The following POMT1 variants were observed in gnomAD, a reference collection of about 807,000 sequenced individuals.
POMT1 encodes the protein protein O-mannosyltransferase 1.
POMT1 carries 85 observed loss-of-function variants against 101.6 expected under a neutral mutation model. The ratio of observed to expected loss-of-function variants is 0.84; its 90% confidence interval spans 0.70 to 1.00. The LOEUF is 1.00. POMT1 is among the 50% of genes least tolerant of loss of function. The probability of loss-of-function intolerance (pLI) is 0.00; values close to 1 mark genes in which losing one functional copy is unlikely to be tolerated. For missense variants in POMT1, 857 were observed against 930.4 expected (o/e 0.92, Z 1.03); for synonymous variants, 371 against 383.0 (o/e 0.97, Z 0.37).
At position 131,515,541 on chromosome 9, in the gene POMT1, A is replaced by G. The variant is rs1474935774; in HGVS notation, c.1272+19A>G. The G allele has an allele frequency of 1.2e-6, 2 of 1,603,152 alleles. No individual in the cohort carries two copies. The highest frequency in any genetic ancestry group is 2.2e-5 in the East Asian group (1 of 44,844). On this transcript the variant is annotated intron_variant, in intron 13 of 19. Coordinates refer to ENST00000402686, the MANE Select transcript of POMT1 (RefSeq NM_001077365.2). ...GAGACTGGTGAGTAAGGCTGCGGCTATAGCAGCCACAACCGTCAGTAATGA... is the reference window on the plus strand; with the variant it reads ...GAGACTGGTGAGTAAGGCTGCGGCTGTAGCAGCCACAACCGTCAGTAATGA...
rs1023056635 is a variant in POMT1, at chr9:131,519,126, TAACTC to T, written c.1486+172_1486+176del. Reference sequence around the variant, plus strand: ...ACCCTGCACTCAGCTGCTGCAGTAATAACTCAAGACGCTTCTTCCGAGGTGTCGCT... The same window carrying T: ...ACCCTGCACTCAGCTGCTGCAGTAATAAGACGCTTCTTCCGAGGTGTCGCT... On this transcript the variant is annotated intron_variant, in intron 15 of 19. Coordinates refer to ENST00000402686, the MANE Select transcript of POMT1 (RefSeq NM_001077365.2). This position sits in a 1 kb window ranked among gnomAD's most constrained non-coding sequence, Gnocchi z 4.3. Among the ~76,000 whole-genome samples, 2 of 152,170 alleles carry T rather than the reference TAACTC, an allele frequency of 1.3e-5. No individual in the cohort carries two copies. The highest frequency in any genetic ancestry group is 4.8e-5 in the African/African-American group (2 of 41,438).
chr9:131,518,884 C>T lies in POMT1; in HGVS notation c.1413C>T (p.Ile471=), dbSNP rs769288290. ...ACTGGGGGTATCGGCAACTGGAGAT[C>T]GTCGGGGAGAAGCTGTCCCGGGGCT... ...LPDWGYRQLE[I]VGEKLSRGYH... The change falls in exon 15 of 20, where the codon ATC becomes ATT. Residue 471 remains isoleucine, a synonymous_variant. Coordinates refer to ENST00000402686, the MANE Select transcript of POMT1 (RefSeq NM_001077365.2). 1.4e-5 allele frequency: 22 copies of T among 1,613,852 alleles called. No individual in the cohort carries two copies. The highest frequency in any genetic ancestry group is 3.3e-5 in the South Asian group (3 of 91,092).
chr9:131,507,290 A>G (rs552349144), intron 4 of POMT1, 78 bp from the exon 5 acceptor site: 8 of 1,601,462 alleles, frequency 5.0e-6, no homozygotes, highest in South Asian at 3.3e-5. Flanking sequence ...TGACGGCGCT[A>G]TGTGAAAGCA....
chr9:131,508,816 C>T (rs1946433281), intron 5 of POMT1, 95 bp from the exon 6 acceptor site: 2 of 859,008 alleles, frequency 2.3e-6, no homozygotes, highest in African/African-American at 3.3e-5. Flanking sequence ...AGTTGTATCG[C>T]TTCTGAAGTA....
At position 131,520,204 on chromosome 9, in the gene POMT1, G is replaced by C. The variant is rs115243626; in HGVS notation, c.1698+11G>C. ...CACCCCAGGACCAGCGTAAGCGAGC[G>C]ATGCTGACAGCTGACAGTCATAGAT... On this transcript the variant is annotated intron_variant, in intron 17 of 19. Coordinates refer to ENST00000402686, the MANE Select transcript of POMT1 (RefSeq NM_001077365.2). 641 of 1,593,426 alleles carry C rather than the reference G, an allele frequency of 4.0e-4. 1 individual carries two copies. The African/African-American group carries it at 8.1e-3, about 20-fold the overall frequency.
intron 6 of POMT1, 77 bp downstream of exon 6, chr9:131,509,099 A>G (rs1349635615): frequency 1.9e-6 from 2 of 1,065,734 alleles, no homozygotes; most frequent in Non-Finnish European, 2.9e-6. Flanking sequence ...ATGGTCCAGT[A>G]CCTTTTTTTG....
Position 131,513,141 on chromosome 9 carries a change from G to A in POMT1, c.1083-98G>A, listed in dbSNP as rs2131704712. The A allele has an allele frequency of 3.0e-5, 31 of 1,028,056 alleles. No individual in the cohort carries two copies. In the South Asian group the frequency reaches 4.0e-4, roughly 13 times the overall value. The allele number at this position is 1,028,056 out of a possible 1,614,324, so 63.7% of individuals were successfully genotyped here. A position where few individuals can be genotyped will look rare whatever the true frequency, so the allele number is the denominator to read the frequency against. On this transcript the variant is annotated intron_variant, in intron 11 of 19. Coordinates refer to ENST00000402686, the MANE Select transcript of POMT1 (RefSeq NM_001077365.2). ...TGAGGCACACATGGGTTGGGAGGCAGTCTCAGCCATGAGAATTCAGAGCTG... is the reference window on the plus strand; with the variant it reads ...TGAGGCACACATGGGTTGGGAGGCAATCTCAGCCATGAGAATTCAGAGCTG...
At position 131,506,426 on chromosome 9, in the gene POMT1, A is replaced by G; in HGVS notation, c.253A>G (p.Asn85Asp). The G allele has an allele frequency of 6.2e-7, 1 of 1,613,212 alleles. No individual in the cohort carries two copies. The highest frequency in any genetic ancestry group is 8.5e-7 in the Non-Finnish European group (1 of 1,179,160). Residue 85 changes from asparagine (N) to aspartate (D), a missense_variant, in exon 4 of 20, where the codon AAT becomes GAT. Transcript: ENST00000402686. ...LGGYLGGFDGNFLWNRIGAEY... is the reference protein window; with the variant it reads ...LGGYLGGFDGDFLWNRIGAEY... ...AGGTTATTTAGGAGGATTCGATGGC[A>G]ATTTTTTGTGGAACAGAATTGGAGC...
At chr9:131,510,942 G>A (rs1028240307) in intron 9 of POMT1, 7 of 280,518 alleles carry the variant, frequency 2.5e-5, no homozygotes, top group Admixed American at 5.0e-5. Context: ...GGTCAGGACT[G>A]TGGTTCCTGA....
chr9:131,523,791 C>CCAA lies in POMT1; in HGVS notation c.*687_*689dup, dbSNP rs1950411693. 1 of 153,052 alleles carries CCAA rather than the reference C, an allele frequency of 6.5e-6. No homozygotes were observed. The highest frequency in any genetic ancestry group is 2.4e-5 in the African/African-American group (1 of 41,464). 9.5% of individuals were successfully genotyped at this position (153,052 alleles called of 1,614,324 possible). On this transcript the variant is annotated 3_prime_UTR_variant, in exon 20 of 20. Coordinates refer to ENST00000402686, the MANE Select transcript of POMT1 (RefSeq NM_001077365.2). ...TTTTTAAATGTAATTAAAAAAGGAACCAACTGGCGTTTGTAGTTGGTGTTT... is the reference window on the plus strand; with the variant it reads ...TTTTTAAATGTAATTAAAAAAGGAACCAACAACTGGCGTTTGTAGTTGGTGTTT...
In POMT1 at chr9:131,510,281, C is replaced by G. The variant is rs374335795; in HGVS notation, c.721C>G (p.Leu241Val). 5.0e-6 allele frequency: 8 copies of G among 1,614,120 alleles called. No homozygotes were observed. In the Admixed American group the frequency reaches 5.0e-5, roughly 10 times the overall value. Residue 241 changes from leucine to valine, a missense_variant, in exon 9 of 20, where the codon CTC becomes GTC. Physicochemically the swap from Leu to Val is conservative, Grantham distance 32. Coordinates refer to ENST00000402686, the MANE Select transcript of POMT1 (RefSeq NM_001077365.2). ...GCAGGTCTGTGTGTTCTGTCACTTG[C>G]TCGCCCGAGCAGTGGCTTTGCTGGT... is the stretch of plus-strand genomic sequence containing the variant. ...LSNVCVFCHL[L>V]ARAVALLVIP...
In POMT1 at chr9:131,522,858, G is replaced by T; in HGVS notation, c.2004-74G>T. ...TCGGGGGGTGACCGTGTGGACAGCA[G>T]ATGCCAAGAGGGTGCCGGGCAGGGA... On this transcript the variant is annotated intron_variant, in intron 19 of 19. Transcript: ENST00000402686. This position sits in a 1 kb window ranked among gnomAD's most constrained non-coding sequence, Gnocchi z 5.5. 1 of 1,447,002 alleles carries T rather than the reference G, an allele frequency of 6.9e-7. No homozygotes were observed. The allele number at this position is 1,447,002 out of a possible 1,614,324, so 89.6% of individuals were successfully genotyped here.
At chr9:131,516,040 C>CACACGGAGCACTTCCTCTA (rs1554778737) in intron 13 of POMT1, among the ~76,000 whole-genome samples, 1,689 of 10,514 alleles carry the variant, frequency 0.16, 304 homozygotes, top group African/African-American at 0.26. Flanking sequence ...AGCACTTCCT[C>CACACGGAGCACTTCCTCTA]ACACGGAGCA....
intron 5 of POMT1, among the ~76,000 whole-genome samples, chr9:131,507,933 A>G (rs1017467410): frequency 1.3e-5 from 2 of 152,242 alleles, no homozygotes; most frequent in Non-Finnish European, 2.9e-5. Flanking sequence ...AAATTAAAGC[A>G]GATGAAAAGT....
Position 131,512,082 on chromosome 9 carries a change from C to T in POMT1, c.1028C>T (p.Thr343Ile), listed in dbSNP as rs1358169780. ...GGCAGCTCCCACCAGCAACAGGTGA[C>T]CTGTTACCCCTTCAAAGATGTCAAT... ...GRGSSHQQQV[T>I]CYPFKDVNNW... The change falls in exon 11 of 20, where the codon ACC becomes ATC. Residue 343 changes from threonine (T) to isoleucine (I), a missense_variant. Transcript: ENST00000402686. 2 of 1,614,006 alleles carry T rather than the reference C, an allele frequency of 1.2e-6. No individual in the cohort carries two copies. The highest frequency in any genetic ancestry group is 1.7e-6 in the Non-Finnish European group (2 of 1,180,030).
chr9:131,517,162 G>A lies in POMT1; in HGVS notation c.1273-1283G>A, dbSNP rs1217500638. On this transcript the variant is annotated intron_variant, in intron 13 of 19. Coordinates refer to ENST00000402686, the MANE Select transcript of POMT1 (RefSeq NM_001077365.2). ...TTTCTGCCTACGCAGGCTCAGCCCT[G>A]TTTCGCTTGACAGAGTTAGCACCAC... Among the ~76,000 whole-genome samples the A allele has an allele frequency of 2.0e-5, 3 of 151,866 alleles. No homozygotes were observed. The East Asian group carries it at 5.8e-4, about 29-fold the overall frequency.
At chr9:131,507,226 T>G in intron 4 of POMT1, 142 bp from the exon 5 acceptor site, 3 of 1,235,670 alleles carry the variant, frequency 2.4e-6, no homozygotes, top group Non-Finnish European at 3.5e-6. Context: ...TTATGCACTC[T>G]GCTGCTGATG....
In POMT1 at chr9:131,506,397, T is replaced by C. The variant is rs1293849666; in HGVS notation, c.230-6T>C. ...GGGATAGTTACTGATTAATCTTCTG[T>C]TTCAGGTTATTTAGGAGGATTCGAT... On this transcript the variant is annotated splice_region_variant and splice_polypyrimidine_tract_variant and intron_variant, in intron 3 of 19. Transcript: ENST00000402686. 1 of 1,612,192 alleles carries C rather than the reference T, an allele frequency of 6.2e-7. No homozygotes were observed.
intron 15 of POMT1, 36 bp downstream of exon 15, chr9:131,518,993 T>G (rs911833430): frequency 6.2e-7 from 1 of 1,612,116 alleles, no homozygotes; most frequent in Non-Finnish European, 8.5e-7. Flanking sequence ...GCTCCTGGAA[T>G]GTACTTTCAG....
Sources: gnomAD v4.1 joint callset for allele counts (sites outside exome capture counted in the v4.1 genomes callset) on GRCh38, gnomAD v4.1.1 for gene constraint, Gnocchi (gnomAD v3.1) non-coding constraint, MANE v1.5 for transcripts, NCBI Gene and HGNC (gene_info 2026-07-23, HGNC 2026-07-21) for gene names.